AFG3L2: variants seen among roughly 807,000 people sequenced by gnomAD.
AFG3L2 encodes the protein mitochondrial inner membrane m-AAA protease component AFG3L2.
A neutral mutation model predicts 94.5 loss-of-function variants in AFG3L2; 54 were observed. That is an observed-to-expected ratio of 0.57 (90% confidence interval 0.46 to 0.72). AFG3L2 has a LOEUF of 0.72. Ranked by LOEUF, AFG3L2 falls within the 30% of genes least tolerant of loss-of-function variation. The pLI is 0.00. For synonymous variants in AFG3L2, 377 were observed against 365.5 expected (o/e 1.03, Z -0.36); for missense variants, 754 against 994.9 (o/e 0.76, Z 3.26).
chr18:12,353,161 T>C lies in AFG3L2; in HGVS notation c.1165-3A>G, dbSNP rs1375698435. The C allele has an allele frequency of 6.2e-7, 1 of 1,613,844 alleles. No homozygotes were observed. The highest frequency in any genetic ancestry group is 1.7e-5 in the Admixed American group (1 of 59,992). On this transcript the variant is annotated splice_region_variant and splice_polypyrimidine_tract_variant and intron_variant, in intron 9 of 16. Coordinates refer to ENST00000269143, the MANE Select transcript of AFG3L2 (RefSeq NM_006796.3). The stretch of plus-strand genomic sequence containing the variant: ...GCAAGGGCAAATAAGTCTCGGACCT[T>C]GGCAAAAACAGAAAGAGAGTCACCT...
intron 1 of AFG3L2, among the ~76,000 whole-genome samples, chr18:12,372,520 T>C (rs894036421): frequency 1.3e-5 from 2 of 152,146 alleles, no homozygotes; most frequent in African/African-American, 4.8e-5. Flanking sequence ...TGGGTCACCA[T>C]ATGACCCAGC....
intron 16 of AFG3L2, among the ~76,000 whole-genome samples, chr18:12,334,976 C>T (rs530965297): frequency 1.4e-4 from 21 of 152,312 alleles, no homozygotes; most frequent in Admixed American, 3.9e-4. Context: ...GGACCCTAAA[C>T]GCATTATGCC....
chr18:12,351,235 AG>A (rs1279213038), intron 11 of AFG3L2, 25 bp from the exon 12 acceptor site: 2 of 1,614,080 alleles, frequency 1.2e-6, no homozygotes, highest in Non-Finnish European at 1.7e-6. Context: ...TTTAAGGAAA[AG>A]AAAATCATAT....
chr18:12,371,478 A>G (rs998135586), intron 2 of AFG3L2, 114 bp downstream of exon 2: 7 of 822,496 alleles, frequency 8.5e-6, no homozygotes, highest in African/African-American at 1.7e-5. Flanking sequence ...TGAAGATGAC[A>G]TATCTTCATC....
chr18:12,363,757 C>T, intron 6 of AFG3L2, 25 bp downstream of exon 6: 1 of 1,577,040 alleles, frequency 6.3e-7, no homozygotes, highest in Non-Finnish European at 8.7e-7. Flanking sequence ...ACAACTAATT[C>T]ACATCAATTA....
At chr18:12,362,960 T>C (rs1307603504) in intron 6 of AFG3L2, among the ~76,000 whole-genome samples, 1 of 152,190 alleles carries the variant, frequency 6.6e-6, no homozygotes, top group Admixed American at 6.5e-5. Flanking sequence ...TAAAGCACGG[T>C]TATTAATAGG....
At chr18:12,372,895 C>A (rs186651795) in intron 1 of AFG3L2, among the ~76,000 whole-genome samples, 18 of 152,188 alleles carry the variant, frequency 1.2e-4, no homozygotes, top group Non-Finnish European at 2.1e-4. Flanking sequence ...CAGAGAAATG[C>A]GAAATGATTA....
At chr18:12,331,850 T>A (rs62095703) in intron 16 of AFG3L2, among the ~76,000 whole-genome samples, 3 of 17,620 alleles carry the variant, frequency 1.7e-4, no homozygotes, top group African/African-American at 3.0e-4. Flanking sequence ...TATATATATA[T>A]ATATATATAT....
rs759268127 is a variant in AFG3L2, at chr18:12,353,146, A to AT, written c.1176dup (p.Phe393IlefsTer16). ...GGGGCATTCTTCCGAGCAAGGGCAA[A>AT]TAAGTCTCGGACCTTGGCAAAAACA... On this transcript the variant is annotated frameshift_variant, in exon 10 of 17. Coordinates refer to ENST00000269143, the MANE Select transcript of AFG3L2 (RefSeq NM_006796.3). LOFTEE classifies it high-confidence loss of function. 6.2e-7 allele frequency: 1 copy of AT among 1,614,092 alleles called. No homozygotes were observed. Among genetic ancestry groups the AT allele is most frequent in the South Asian group, 1.1e-5 (1 of 91,082 alleles).
intron 1 of AFG3L2, 66 bp downstream of exon 1, chr18:12,376,903 G>T (rs1909176686): frequency 1.6e-6 from 2 of 1,237,734 alleles, no homozygotes; most frequent in East Asian, 6.5e-5. Flanking sequence ...CTTGACGTCC[G>T]CTCTCCCGAG....
chr18:12,345,991 G>C (rs568348441), intron 13 of AFG3L2, among the ~76,000 whole-genome samples: 1 of 152,116 alleles, frequency 6.6e-6, no homozygotes, highest in Admixed American at 6.5e-5. Flanking sequence ...GTCTGGTTTT[G>C]TACCCTCTAC....
At chr18:12,370,054 CAAAAAAAAAAAAAA>C (rs796293157) in intron 3 of AFG3L2, among the ~76,000 whole-genome samples, 1 of 36,004 alleles carries the variant, frequency 2.8e-5, no homozygotes, top group Admixed American at 3.3e-4. Flanking sequence ...GACTCTGTCT[CAAAAAAAAAAAAAA>C]AAAAAAAAAA....
At chr18:12,353,852 T>C (rs62095741) in intron 9 of AFG3L2, among the ~76,000 whole-genome samples, 20,666 of 152,174 alleles carry the variant, frequency 0.14, 1,795 homozygotes, top group South Asian at 0.33. Context: ...GAGTTCACAT[T>C]TCATGCCTAA....
At chr18:12,337,624 A>C (rs139642729) in intron 15 of AFG3L2, 89 bp from the exon 16 acceptor site, 2 of 1,239,832 alleles carry the variant, frequency 1.6e-6, no homozygotes, top group Admixed American at 3.6e-5. Context: ...GCTAAAGTGC[A>C]CAAAGGTGCT....
chr18:12,332,954 TATAC>T (rs1568131875), intron 16 of AFG3L2, among the ~76,000 whole-genome samples: 13 of 116,340 alleles, frequency 1.1e-4, no homozygotes, highest in African/African-American at 2.3e-4. Flanking sequence ...TAATATATTA[TATAC>T]TATAATATAT....
intron 12 of AFG3L2, among the ~76,000 whole-genome samples, chr18:12,350,565 T>C (rs1417539902): frequency 6.6e-6 from 1 of 152,218 alleles, no homozygotes; most frequent in Non-Finnish European, 1.5e-5. Context: ...GAATTAGTAA[T>C]TGTTCCTGAA....
intron 14 of AFG3L2, 101 bp from the exon 15 acceptor site, chr18:12,340,502 A>C (rs1907913994): frequency 5.3e-6 from 5 of 939,342 alleles, no homozygotes; most frequent in Admixed American, 3.5e-5. Flanking sequence ...AAATAAGCAC[A>C]ACAGCCGCAC....
In AFG3L2 at chr18:12,351,124, A is replaced by G. The variant is rs1451491714; in HGVS notation, c.1513T>C (p.Leu505=). 1 of 1,613,746 alleles carries G rather than the reference A, an allele frequency of 6.2e-7. No homozygotes were observed. ...KLDSTLEKDK[L]ARKLASLTPG... ...GTTAAAGATGCCAGTTTTCTTGCCA[A>G]TTTATCCTTCTCCAGGGTACTGTCC... Residue 505 remains leucine (L), a synonymous_variant, in exon 12 of 17, where the codon TTG becomes CTG. Transcript: ENST00000269143.
intron 12 of AFG3L2, among the ~76,000 whole-genome samples, chr18:12,349,794 T>C (rs1236777830): frequency 6.6e-6 from 1 of 151,898 alleles, no homozygotes; most frequent in Non-Finnish European, 1.5e-5. Flanking sequence ...CCCGAGTAGC[T>C]GGGATTACAG....
Sources: gnomAD v4.1 joint callset for allele counts (sites outside exome capture counted in the v4.1 genomes callset) on GRCh38, gnomAD v4.1.1 for gene constraint, MANE v1.5 for transcripts, NCBI Gene and HGNC (gene_info 2026-07-23, HGNC 2026-07-21) for gene names.